Variants in TSHZ3 observed in about 807,000 individuals in gnomAD.
The protein encoded by TSHZ3 is teashirt homolog 3.
A neutral mutation model predicts 64.5 loss-of-function variants in TSHZ3; 10 were observed. The ratio of observed to expected loss-of-function variants is 0.16; its 90% CI spans 0.10 to 0.26. The LOEUF (loss-of-function observed/expected upper bound fraction) is 0.26, where lower values mean the gene tolerates loss of function less well. Ranked by LOEUF, TSHZ3 falls within the 10% of genes least tolerant of loss-of-function variation. The probability of loss-of-function intolerance (pLI) is 1.00; values close to 1 mark genes in which losing one functional copy is unlikely to be tolerated. For synonymous variants in TSHZ3, 608 were observed against 593.1 expected (o/e 1.03, Z -0.36); for missense variants, 1,242 against 1,421.7 (o/e 0.87, Z 2.03).
intron 4 of TSHZ3, among the ~76,000 whole-genome samples, chr19:31,225,872 AC>A (rs1975452957): frequency 6.6e-6 from 1 of 152,078 alleles, no homozygotes; most frequent in Non-Finnish European, 1.5e-5. Flanking sequence ...CATGCCCGTA[AC>A]CCCAGCACTT....
At chr19:31,328,998 C>T (rs933006662) in intron 1 of TSHZ3, among the ~76,000 whole-genome samples, 1 of 152,112 alleles carries the variant, frequency 6.6e-6, no homozygotes, top group Admixed American at 6.5e-5. Context: ...GTACAGGGGC[C>T]GTGTGAGCTC....
At chr19:31,255,968 C>T (rs144408546) in intron 1 of TSHZ3, among the ~76,000 whole-genome samples, 12 of 152,106 alleles carry the variant, frequency 7.9e-5, no homozygotes, top group African/African-American at 2.7e-4. Flanking sequence ...CAGGAGGGGA[C>T]GGTCCAGTCA....
intron 4 of TSHZ3, among the ~76,000 whole-genome samples, chr19:31,218,962 G>A (rs1408168457): frequency 6.6e-6 from 1 of 152,106 alleles, no homozygotes; most frequent in Non-Finnish European, 1.5e-5. Context: ...AATTTTACAG[G>A]CTTTGCCACA....
At chr19:31,305,166 AGCCACCCCCTCTCCT>A (rs981830365) in intron 1 of TSHZ3, among the ~76,000 whole-genome samples, 2 of 151,852 alleles carry the variant, frequency 1.3e-5, no homozygotes, top group African/African-American at 4.8e-5. Context: ...CCCCATCTCC[AGCCACCCCCTCTCCT>A]GCCACCCCCT....
At position 31,335,389 on chromosome 19, in the gene TSHZ3, G is replaced by C. The variant is rs539884937; in HGVS notation, c.40+13791C>G. ...TGGCCAGGTCTCACGGAAGACAGGA[G>C]GGCCTCCTCCCCTGCCCGGACACTG... On this transcript the variant is annotated intron_variant, in intron 1 of 1. Coordinates refer to ENST00000240587, the MANE Select transcript of TSHZ3 (RefSeq NM_020856.4). Among the ~76,000 whole-genome samples the C allele has an allele frequency of 7.2e-5, 11 of 152,292 alleles. No homozygotes were observed. In the East Asian group the frequency reaches 2.1e-3, roughly 30 times the overall value.
chr19:31,325,571 G>A (rs977555816), intron 1 of TSHZ3, among the ~76,000 whole-genome samples: 4 of 152,154 alleles, frequency 2.6e-5, no homozygotes, highest in Non-Finnish European at 5.9e-5. Flanking sequence ...CTCCCACGCA[G>A]CTGTGGGAAG....
chr19:31,214,904 T>C (rs1479182382), intron 4 of TSHZ3, among the ~76,000 whole-genome samples: 3 of 122,352 alleles, frequency 2.5e-5, no homozygotes, highest in Admixed American at 1.9e-4. Context: ...CGAGACTCTG[T>C]CTCAGAAAAA....
intron 5 of TSHZ3, among the ~76,000 whole-genome samples, chr19:31,164,581 C>T (rs188781606): frequency 1.3e-5 from 2 of 152,228 alleles, no homozygotes; most frequent in Admixed American, 1.3e-4. Context: ...AGCCTCGGGT[C>T]CCAGTCTGAG....
intron 1 of TSHZ3, among the ~76,000 whole-genome samples, chr19:31,335,786 T>C (rs764141098): frequency 6.6e-6 from 1 of 152,136 alleles, no homozygotes; most frequent in Non-Finnish European, 1.5e-5. Context: ...TCTCTCTACA[T>C]ATATTTCTCT....
At chr19:31,288,489 A>G (rs560244001) in intron 1 of TSHZ3, among the ~76,000 whole-genome samples, 1 of 152,244 alleles carries the variant, frequency 6.6e-6, no homozygotes, top group Non-Finnish European at 1.5e-5. Context: ...ACAGGAGGGG[A>G]CAGTTCAAAA....
intron 1 of TSHZ3, among the ~76,000 whole-genome samples, chr19:31,303,397 G>T (rs919852257): frequency 6.6e-6 from 1 of 152,240 alleles, no homozygotes; most frequent in Non-Finnish European, 1.5e-5. Context: ...GCATAGACCT[G>T]GCTCACCGGA....
intron 5 of TSHZ3, among the ~76,000 whole-genome samples, chr19:31,197,502 G>C (rs1975009886): frequency 6.6e-6 from 1 of 151,038 alleles, no homozygotes; most frequent in African/African-American, 2.4e-5. Context: ...AAAAAAAATA[G>C]AGAAAATTTA....
chr19:31,349,544 G>T, upstream of TSHZ3: 1 of 275,592 alleles, frequency 3.6e-6, no homozygotes, highest in Non-Finnish European at 6.7e-6. Flanking sequence ...GGCGGAATGG[G>T]AAGTTTGACA....
chr19:31,193,001 A>G lies in TSHZ3; in HGVS notation n.809+11955T>C, dbSNP rs954689080. 3.3e-5 allele frequency among the ~76,000 whole-genome samples: 5 copies of G among 152,136 alleles called. No individual in the cohort carries two copies. In the South Asian group the frequency reaches 1.0e-3, roughly 32 times the overall value. On this transcript the variant is annotated intron_variant and non_coding_transcript_variant, in intron 5 of 6. Transcript: ENST00000651361. ...ACAATCTTCCAATGATGCAATAGGTACCTACAGGGGCCTCCCCTAAAATCA... is the reference window on the plus strand; with the variant it reads ...ACAATCTTCCAATGATGCAATAGGTGCCTACAGGGGCCTCCCCTAAAATCA...
intron 5 of TSHZ3, among the ~76,000 whole-genome samples, chr19:31,188,818 A>T (rs1484152669): frequency 1.3e-5 from 2 of 151,866 alleles, no homozygotes; most frequent in Non-Finnish European, 2.9e-5. Context: ...AACAGGGGTG[A>T]TGTGTTCCTT....
chr19:31,179,259 A>G (rs1974661594), intron 5 of TSHZ3, among the ~76,000 whole-genome samples: 1 of 152,162 alleles, frequency 6.6e-6, no homozygotes, highest in Admixed American at 6.5e-5. Context: ...AGTAACCAGA[A>G]CCCAGAGAGA....
At chr19:31,316,582 A>C (rs1916607273) in intron 1 of TSHZ3, among the ~76,000 whole-genome samples, 1 of 152,220 alleles carries the variant, frequency 6.6e-6, no homozygotes, top group Non-Finnish European at 1.5e-5. Context: ...CTGGGGAAAT[A>C]GTGCTATTTG....
chr19:31,279,664 G>A lies in TSHZ3; in HGVS notation c.129C>T (p.Ala43=), dbSNP rs1400974353. ...EEHTADGEPS[A]KYMCPEKELA... ...GCTCCTTCTCCGGGCACATGTACTT[G>A]GCCGAGGGCTCTCCATCTGCCGTAT... Residue 43 remains alanine, a synonymous_variant, in exon 2 of 2, where the codon GCC becomes GCT. Transcript: ENST00000240587. The surrounding 1 kb of genome is among the most constrained non-coding windows in gnomAD (Gnocchi z 6.4). 1 of 1,598,526 alleles carries A rather than the reference G, an allele frequency of 6.3e-7. No homozygotes were observed. The highest frequency in any genetic ancestry group is 1.3e-5 in the African/African-American group (1 of 74,480).
chr19:31,199,569 A>G (rs911859203), intron 5 of TSHZ3, among the ~76,000 whole-genome samples: 1 of 150,292 alleles, frequency 6.7e-6, no homozygotes, highest in Admixed American at 6.6e-5. Flanking sequence ...ATCTAGACAC[A>G]GATCTTACAT....
Sources: gnomAD v4.1 joint callset for allele counts (sites outside exome capture counted in the v4.1 genomes callset) on GRCh38, gnomAD v4.1.1 for gene constraint, Gnocchi (gnomAD v3.1) non-coding constraint, MANE v1.5 for transcripts, NCBI Gene and HGNC (gene_info 2026-07-23, HGNC 2026-07-21) for gene names.